ITPR2: variants seen among roughly 807,000 people sequenced by gnomAD.
The protein encoded by ITPR2 is inositol 1,4,5-trisphosphate receptor type 2, also known as inositol 1,4,5-trisphosphate-gated calcium channel ITPR2.
A neutral mutation model predicts 317.1 loss-of-function variants in ITPR2; 207 were observed. The ratio of observed to expected loss-of-function variants is 0.65; its 90% CI spans 0.58 to 0.73. ITPR2 has a LOEUF of 0.73. ITPR2 is among the 30% of genes least tolerant of loss of function. The pLI is 0.00. For missense variants in ITPR2, 2,613 were observed against 3,284.0 expected, an observed-to-expected ratio of 0.80 and a Z score of 4.99; for synonymous variants, 1,156 against 1,149.1, an observed-to-expected ratio of 1.01 and a Z score of -0.12.
intron 54 of ITPR2, among the ~76,000 whole-genome samples, chr12:26,396,826 A>C (rs1007155429): frequency 3.9e-5 from 6 of 152,080 alleles, no homozygotes; most frequent in Non-Finnish European, 7.4e-5. Context: ...TTTTTCATCT[A>C]TTCTCAAGCT....
chr12:26,779,643 T>C (rs1274577078), intron 2 of ITPR2, among the ~76,000 whole-genome samples: 3 of 152,158 alleles, frequency 2.0e-5, no homozygotes, highest in Admixed American at 2.0e-4. Flanking sequence ...ATGCCCAATA[T>C]GCAGGCATCA....
chr12:26,690,884 A>G (rs908880369), intron 10 of ITPR2, among the ~76,000 whole-genome samples: 1 of 152,260 alleles, frequency 6.6e-6, no homozygotes, highest in African/African-American at 2.4e-5. Context: ...ACATAGGATA[A>G]GTAGAATACG....
chr12:26,408,887 T>C (rs1940446658), intron 52 of ITPR2, among the ~76,000 whole-genome samples: 1 of 152,208 alleles, frequency 6.6e-6, no homozygotes, highest in Non-Finnish European at 1.5e-5. Flanking sequence ...AATAAACTTT[T>C]TAACATATTA....
intron 1 of ITPR2, 44 bp from the exon 2 acceptor site, chr12:26,790,271 T>C: frequency 1.4e-6 from 2 of 1,449,896 alleles, no homozygotes; most frequent in Non-Finnish European, 1.9e-6. Context: ...CCTTGTCATA[T>C]TCATAAACCA....
At chr12:26,647,537 A>G (rs1428058783) in intron 21 of ITPR2, among the ~76,000 whole-genome samples, 4 of 152,262 alleles carry the variant, frequency 2.6e-5, no homozygotes, top group Non-Finnish European at 5.9e-5. Flanking sequence ...GAATATGGAA[A>G]ATATCCAGTT....
At chr12:26,417,817 A>C (rs1940768051) in intron 50 of ITPR2, among the ~76,000 whole-genome samples, 1 of 152,202 alleles carries the variant, frequency 6.6e-6, no homozygotes, top group Non-Finnish European at 1.5e-5. Context: ...TAAACTCATC[A>C]AATTGCATAC....
chr12:26,782,816 A>AACT (rs1412956197), intron 2 of ITPR2, among the ~76,000 whole-genome samples: 1 of 152,260 alleles, frequency 6.6e-6, no homozygotes, highest in Non-Finnish European at 1.5e-5. Flanking sequence ...AAATAGTTTC[A>AACT]GTCTTCAACA....
chr12:26,687,602 T>A (rs552999061), intron 10 of ITPR2, among the ~76,000 whole-genome samples: 3 of 152,272 alleles, frequency 2.0e-5, no homozygotes, highest in East Asian at 3.9e-4. Flanking sequence ...GAACATTCAC[T>A]TGGAGTCCCT....
chr12:26,382,247 A>G (rs961508197), intron 55 of ITPR2, among the ~76,000 whole-genome samples: 1 of 152,214 alleles, frequency 6.6e-6, no homozygotes, highest in African/African-American at 2.4e-5. Flanking sequence ...TATTTTATCA[A>G]ACATGAGGGT....
chr12:26,816,877 C>A (rs1011434498), intron 1 of ITPR2, among the ~76,000 whole-genome samples: 5 of 151,968 alleles, frequency 3.3e-5, no homozygotes, highest in African/African-American at 1.2e-4. Context: ...CATAAAAAGG[C>A]TCGGTGGCGA....
At chr12:26,745,494 A>G (rs1049063994) in intron 2 of ITPR2, among the ~76,000 whole-genome samples, 1 of 152,212 alleles carries the variant, frequency 6.6e-6, no homozygotes, top group African/African-American at 2.4e-5. Context: ...TTGTGAGGAC[A>G]ATTGCTACCA....
intron 26 of ITPR2, among the ~76,000 whole-genome samples, chr12:26,615,056 A>G (rs1405920517): frequency 6.6e-6 from 1 of 152,238 alleles, no homozygotes; most frequent in African/African-American, 2.4e-5. Context: ...AAGAGGGACT[A>G]TATGGGAACT....
In ITPR2 at chr12:26,565,221, G is replaced by C. The variant is rs537039900; in HGVS notation, c.4631-3269C>G. ...TGTCCACATGGATATGAGAAACTAT[G>C]GCAACTAAGTATGAATCTGAAGAAG... On this transcript the variant is annotated intron_variant, in intron 34 of 56. Transcript: ENST00000381340. Among the ~76,000 whole-genome samples the C allele has an allele frequency of 4.2e-4, 64 of 152,176 alleles. 1 individual carries two copies. The highest frequency in any genetic ancestry group is 3.4e-3 in the Middle Eastern group (1 of 294).
intron 49 of ITPR2, among the ~76,000 whole-genome samples, chr12:26,426,494 C>G (rs78987903): frequency 6.6e-6 from 1 of 152,060 alleles, no homozygotes; most frequent in Non-Finnish European, 1.5e-5. Flanking sequence ...AGGAGTGAGG[C>G]AGGTAGGGCT....
chr12:26,633,242 G>T (rs554140238), intron 21 of ITPR2, among the ~76,000 whole-genome samples: 6 of 152,008 alleles, frequency 3.9e-5, no homozygotes, highest in Non-Finnish European at 8.8e-5. Context: ...TGTAAAAGAT[G>T]ACAAGAGAAT....
intron 45 of ITPR2, among the ~76,000 whole-genome samples, chr12:26,450,272 T>A (rs1308917051): frequency 6.6e-6 from 1 of 152,128 alleles, no homozygotes; most frequent in Non-Finnish European, 1.5e-5. Flanking sequence ...ATGGCAGCCC[T>A]AGGAAGTTAA....
At chr12:26,502,775 C>T (rs1271330763) in intron 37 of ITPR2, among the ~76,000 whole-genome samples, 1 of 152,156 alleles carries the variant, frequency 6.6e-6, no homozygotes, top group Non-Finnish European at 1.5e-5. Context: ...AGAAGACTGA[C>T]ACTGATCTGA....
At chr12:26,452,766 T>C (rs1166243012) in intron 45 of ITPR2, among the ~76,000 whole-genome samples, 1 of 152,152 alleles carries the variant, frequency 6.6e-6, no homozygotes, top group Non-Finnish European at 1.5e-5. Context: ...TTCTCCACCA[T>C]GTGATGATGC....
intron 49 of ITPR2, among the ~76,000 whole-genome samples, chr12:26,425,264 A>G (rs781122923): frequency 3.9e-5 from 6 of 152,196 alleles, no homozygotes; most frequent in Non-Finnish European, 8.8e-5. Context: ...ATTAATCCAC[A>G]TATTATTAAA....
Sources: gnomAD v4.1 joint callset for allele counts (sites outside exome capture counted in the v4.1 genomes callset) on GRCh38, gnomAD v4.1.1 for gene constraint, MANE v1.5 for transcripts, NCBI Gene and HGNC (gene_info 2026-07-23, HGNC 2026-07-21) for gene names.